AGBL4: variants seen among roughly 807,000 people sequenced by gnomAD.
AGBL4 encodes cytosolic carboxypeptidase 6.
Under a neutral mutation model 66.4 loss-of-function variants are expected in AGBL4, and 58 were observed. The observed-to-expected ratio is 0.87, with a 90% CI of 0.71 to 1.09. The LOEUF is 1.09. Ranked by LOEUF, AGBL4 falls within the 50% of genes least tolerant of loss-of-function variation. The pLI is 0.00. For missense variants in AGBL4, 579 were observed against 631.0 expected, an observed-to-expected ratio of 0.92 and a Z score of 0.88; for synonymous variants, 234 against 222.9, an observed-to-expected ratio of 1.05 and a Z score of -0.44.
intron 2 of AGBL4, among the ~76,000 whole-genome samples, chr1:49,724,681 G>A (rs1364129113): frequency 6.6e-6 from 1 of 152,074 alleles, no homozygotes; most frequent in Non-Finnish European, 1.5e-5. Context: ...GTACCTGTAA[G>A]GAGGTGATTA....
chr1:49,612,040 G>A (rs1188930425), intron 3 of AGBL4, among the ~76,000 whole-genome samples: 2 of 152,180 alleles, frequency 1.3e-5, no homozygotes, highest in African/African-American at 4.8e-5. Context: ...TATAGTTAAA[G>A]TGCTATGCAA....
chr1:48,626,533 T>C (rs1299548740), intron 9 of AGBL4, among the ~76,000 whole-genome samples: 2 of 152,224 alleles, frequency 1.3e-5, no homozygotes, highest in African/African-American at 4.8e-5. Flanking sequence ...TCAAGAGCTA[T>C]ACCCAACAGA....
At chr1:49,933,476 G>A (rs1002614836) in intron 1 of AGBL4, among the ~76,000 whole-genome samples, 2 of 151,982 alleles carry the variant, frequency 1.3e-5, no homozygotes, top group South Asian at 2.1e-4. Flanking sequence ...AACTCACTAT[G>A]AAATATAATA....
intron 4 of AGBL4, among the ~76,000 whole-genome samples, chr1:49,079,717 C>T (rs546059268): frequency 6.6e-6 from 1 of 152,242 alleles, no homozygotes; most frequent in African/African-American, 2.4e-5. Context: ...GAATCCTACC[C>T]AGGTAAAAAT....
chr1:48,829,235 C>T (rs1184929356), intron 6 of AGBL4, among the ~76,000 whole-genome samples: 1 of 152,132 alleles, frequency 6.6e-6, no homozygotes, highest in East Asian at 1.9e-4. Context: ...GAAACTGAGT[C>T]ACAGAGAAAT....
At chr1:49,145,186 CTTCTTAT>C in intron 4 of AGBL4, among the ~76,000 whole-genome samples, 1 of 152,242 alleles carries the variant, frequency 6.6e-6, no homozygotes, top group Admixed American at 6.5e-5. Flanking sequence ...AGACAAGCAA[CTTCTTAT>C]GGCTTTTTTT....
intron 3 of AGBL4, among the ~76,000 whole-genome samples, chr1:49,497,525 A>G (rs979671905): frequency 6.6e-6 from 1 of 151,966 alleles, no homozygotes; most frequent in African/African-American, 2.4e-5. Context: ...CAAGTCGTAT[A>G]TTTAAGTTTC....
At chr1:49,468,635 C>A (rs1168428178) in intron 3 of AGBL4, among the ~76,000 whole-genome samples, 1 of 151,722 alleles carries the variant, frequency 6.6e-6, no homozygotes, top group Non-Finnish European at 1.5e-5. Context: ...TAGTTTTCTT[C>A]ACTATTTTCA....
chr1:49,348,582 G>A (rs1645686570), intron 3 of AGBL4, among the ~76,000 whole-genome samples: 1 of 152,242 alleles, frequency 6.6e-6, no homozygotes. Context: ...ACCAGAAGCT[G>A]GAAGAGGCAA....
chr1:48,877,861 T>C (rs1362276232), intron 5 of AGBL4, among the ~76,000 whole-genome samples: 1 of 152,046 alleles, frequency 6.6e-6, no homozygotes, highest in South Asian at 2.1e-4. Context: ...CTCTGGGCCA[T>C]AGATCAGAGC....
chr1:49,418,251 G>A (rs970145676), intron 3 of AGBL4, among the ~76,000 whole-genome samples: 3 of 152,170 alleles, frequency 2.0e-5, no homozygotes, highest in Non-Finnish European at 4.4e-5. Flanking sequence ...TGAAATGAAA[G>A]TATAAGAAAG....
chr1:49,342,906 T>C (rs1034257999), intron 3 of AGBL4, among the ~76,000 whole-genome samples: 2 of 152,232 alleles, frequency 1.3e-5, no homozygotes. Flanking sequence ...TTAAGGCTTA[T>C]TGGTTTCACC....
intron 4 of AGBL4, among the ~76,000 whole-genome samples, chr1:49,114,816 C>T (rs1645482951): frequency 1.3e-5 from 2 of 152,042 alleles, no homozygotes; most frequent in Non-Finnish European, 2.9e-5. Context: ...CAACATTTAT[C>T]GATTAAGTTT....
chr1:49,320,122 G>C (rs148175736), intron 3 of AGBL4, among the ~76,000 whole-genome samples: 1 of 152,016 alleles, frequency 6.6e-6, no homozygotes, highest in East Asian at 1.9e-4. Flanking sequence ...TGTAGAGACA[G>C]GGTTTTACCA....
At position 49,948,961 on chromosome 1, in the gene AGBL4, T is replaced by C. The variant is rs547811250; in HGVS notation, c.34+74802A>G. Among the ~76,000 whole-genome samples the C allele has an allele frequency of 5.3e-5, 8 of 151,808 alleles. No homozygotes were observed. The South Asian group carries it at 1.7e-3, about 32-fold the overall frequency. Reference sequence around the variant, plus strand: ...AATTTCAAATTATTCTATAAGGCCATAGTCACCAAAACAGCATAGTACTGG... The same window carrying C: ...AATTTCAAATTATTCTATAAGGCCACAGTCACCAAAACAGCATAGTACTGG... On this transcript the variant is annotated intron_variant, in intron 1 of 13. Transcript: ENST00000371839.
At chr1:49,997,056 T>TA (rs1660420963) in intron 1 of AGBL4, among the ~76,000 whole-genome samples, 1 of 152,130 alleles carries the variant, frequency 6.6e-6, no homozygotes, top group Non-Finnish European at 1.5e-5. Flanking sequence ...TAAAAGGAGT[T>TA]CTAAATCTTG....
chr1:49,475,766 G>A (rs1646833873), intron 3 of AGBL4, among the ~76,000 whole-genome samples: 1 of 152,006 alleles, frequency 6.6e-6, no homozygotes, highest in African/African-American at 2.4e-5. Flanking sequence ...TGTGGGATTG[G>A]TCGTGATGTT....
At chr1:49,867,213 T>C (rs1263489218) in intron 1 of AGBL4, among the ~76,000 whole-genome samples, 1 of 151,998 alleles carries the variant, frequency 6.6e-6, no homozygotes, top group Non-Finnish European at 1.5e-5. Flanking sequence ...GTGGACTCTT[T>C]TACCTGTGGC....
intron 3 of AGBL4, among the ~76,000 whole-genome samples, chr1:49,633,170 A>G (rs1172305392): frequency 6.6e-6 from 1 of 152,202 alleles, no homozygotes; most frequent in East Asian, 1.9e-4. Flanking sequence ...GAGAAAATAC[A>G]TTAGCCAACA....
Sources: allele counts gnomAD v4.1 joint callset (sites outside exome capture counted in the v4.1 genomes callset), GRCh38; gene constraint gnomAD v4.1.1; transcripts MANE v1.5; gene names NCBI Gene and HGNC (gene_info 2026-07-23, HGNC 2026-07-21).